The following UPB1 variants were observed in gnomAD, a reference collection of about 807,000 sequenced individuals.
UPB1 encodes the protein beta-ureidopropionase 1, also known as beta-ureidopropionase.
UPB1 carries 40 observed loss-of-function variants against 49.1 expected under a neutral mutation model. That is an observed-to-expected ratio of 0.81 (90% CI 0.63 to 1.06). The LOEUF (loss-of-function observed/expected upper bound fraction) is 1.06, where lower values mean the gene tolerates loss of function less well. Among genes scored for constraint, UPB1 ranks in the 50% least tolerant of loss-of-function variants. UPB1 has a pLI of 0.00. For missense variants in UPB1, 499 were observed against 505.9 expected, an observed-to-expected ratio of 0.99 and a Z score of 0.13; for synonymous variants, 207 against 198.2, an observed-to-expected ratio of 1.04 and a Z score of -0.38.
chr22:24,521,984 A>G lies in UPB1; in HGVS notation c.874-2A>G, dbSNP rs773014005. The G allele has an allele frequency of 1.9e-6, 3 of 1,613,980 alleles. No homozygotes were observed. Among genetic ancestry groups the G allele is most frequent in the South Asian group, 2.2e-5 (2 of 91,072 alleles). On this transcript the variant is annotated splice_acceptor_variant, in intron 7 of 9. Transcript: ENST00000326010. LOFTEE classifies it high-confidence loss of function. ...TCCTCTTACCTTGGTCTTATTTCACAGGAGCACTTCCCGAACGAGTTTACC... is the reference window on the plus strand; with the variant it reads ...TCCTCTTACCTTGGTCTTATTTCACGGGAGCACTTCCCGAACGAGTTTACC...
chr22:24,516,841 C>A (rs1407933143), intron 6 of UPB1: 6 of 152,318 alleles, frequency 3.9e-5, no homozygotes, highest in Non-Finnish European at 8.8e-5. Flanking sequence ...TCTCCTGCCT[C>A]AGCCTCCCAA....
chr22:24,495,817 T>C lies in UPB1; in HGVS notation c.104+310T>C, dbSNP rs574416892. 2.0e-5 allele frequency among the ~76,000 whole-genome samples: 3 copies of C among 152,300 alleles called. No homozygotes were observed. The East Asian group carries it at 5.8e-4, about 29-fold the overall frequency. On this transcript the variant is annotated intron_variant, in intron 1 of 9. Coordinates refer to ENST00000326010, the MANE Select transcript of UPB1 (RefSeq NM_016327.3). Reference sequence around the variant, plus strand: ...CAACCCTCCTCCCCGGAGCCGGGCTTGTCTTCTGGATGTCTGGCTGGATCA... The same window carrying C: ...CAACCCTCCTCCCCGGAGCCGGGCTCGTCTTCTGGATGTCTGGCTGGATCA...
At chr22:24,508,422 G>A (rs2147015565) in intron 3 of UPB1, among the ~76,000 whole-genome samples, 1 of 151,900 alleles carries the variant, frequency 6.6e-6, no homozygotes, top group African/African-American at 2.4e-5. Flanking sequence ...AGCTGGATGT[G>A]GTGGCGGGCA....
intron 7 of UPB1, 41 bp downstream of exon 7, chr22:24,520,509 G>C (rs761839623): frequency 6.2e-7 from 1 of 1,603,914 alleles, no homozygotes; most frequent in Non-Finnish European, 8.5e-7. Context: ...GCCACCACCT[G>C]GTGGCTCTGG....
At chr22:24,519,884 G>A (rs1044603992) in intron 6 of UPB1, 5 of 240,246 alleles carry the variant, frequency 2.1e-5, no homozygotes, top group South Asian at 5.1e-5. Flanking sequence ...CCAGGCCCCC[G>A]GCTCCCTTCT....
At chr22:24,522,570 C>G (rs2044413722) in intron 8 of UPB1, among the ~76,000 whole-genome samples, 1 of 152,004 alleles carries the variant, frequency 6.6e-6, no homozygotes, top group Non-Finnish European at 1.5e-5. Flanking sequence ...GCCCCCCTCA[C>G]CAAGGAGGTA....
chr22:24,500,346 AGGCCCTGGCT>A lies in UPB1; in HGVS notation c.276+73_276+82del, dbSNP rs1242818049. On this transcript the variant is annotated intron_variant, in intron 2 of 9. Transcript: ENST00000326010. ...TGGCCTGCCCTTGGAGCACACCTGC[AGGCCCTGGCT>A]GGCCGCATACTCCGGGTCTGCAGGC... 5 of 1,604,072 alleles carry A rather than the reference AGGCCCTGGCT, an allele frequency of 3.1e-6. No homozygotes were observed. In the Admixed American group the frequency reaches 8.4e-5, roughly 27 times the overall value.
chr22:24,523,681 A>C lies in UPB1; in HGVS notation c.979A>C (p.Thr327Pro), dbSNP rs1482825693. ...SYVAAPDSSRTPGLSRSRDGL... is the reference protein window; with the variant it reads ...SYVAAPDSSRPPGLSRSRDGL... ...TGTGGCAGCCCCTGACAGCAGCCGGACTCCTGGGCTGTCCCGTAGCCGGGA... is the reference window on the plus strand; with the variant it reads ...TGTGGCAGCCCCTGACAGCAGCCGGCCTCCTGGGCTGTCCCGTAGCCGGGA... The change falls in exon 9 of 10, where the codon ACT (threonine) becomes CCT (proline). Residue 327 changes from threonine (T) to proline (P), a missense_variant. Physicochemically the swap from Thr to Pro is conservative, Grantham distance 38. Coordinates refer to ENST00000326010, the MANE Select transcript of UPB1 (RefSeq NM_016327.3). The C allele has an allele frequency of 6.2e-7, 1 of 1,614,102 alleles. No individual in the cohort carries two copies. Among genetic ancestry groups the C allele is most frequent in the Admixed American group, 1.7e-5 (1 of 60,016 alleles).
At chr22:24,508,573 AAAG>A (rs952284433) in intron 3 of UPB1, among the ~76,000 whole-genome samples, 3 of 140,700 alleles carry the variant, frequency 2.1e-5, no homozygotes, top group Non-Finnish European at 1.6e-5. Context: ...AAAGAAAAAA[AAAG>A]AAAGAAAGAA....
At position 24,495,441 on chromosome 22, in the gene UPB1, T is replaced by C. The variant is rs200688546; in HGVS notation, c.38T>C (p.Leu13Ser). 19 of 1,613,492 alleles carry C rather than the reference T, an allele frequency of 1.2e-5. No individual in the cohort carries two copies. The African/African-American group carries it at 2.0e-4, about 17-fold the overall frequency. ...GAGTGGAAGTCGCTGGAGGAATGCTTGGAGAAGCACCTGCCGCTCCCCGAC... is the reference window on the plus strand; with the variant it reads ...GAGTGGAAGTCGCTGGAGGAATGCTCGGAGAAGCACCTGCCGCTCCCCGAC... ...GAEWKSLEEC[L>S]EKHLPLPDLQ... The change falls in exon 1 of 10, where the codon TTG becomes TCG. Residue 13 changes from leucine (L) to serine (S), a missense_variant. Transcript: ENST00000326010.
chr22:24,515,843 G>T (rs964649968), intron 6 of UPB1, among the ~76,000 whole-genome samples: 1 of 152,218 alleles, frequency 6.6e-6, no homozygotes, highest in Non-Finnish European at 1.5e-5. Context: ...AGGCGTGGTG[G>T]TGTGTGCCTG....
At position 24,526,705 on chromosome 22, in the gene UPB1, T is replaced by C. The variant is rs1241182933; in HGVS notation, c.*911T>C. ...TTGGTTCTGGATTTTTTTAGAATTCTTCCCTAGTTTGATTGAACTTAAAGG... is the reference window on the plus strand; with the variant it reads ...TTGGTTCTGGATTTTTTTAGAATTCCTCCCTAGTTTGATTGAACTTAAAGG... On this transcript the variant is annotated 3_prime_UTR_variant, in exon 10 of 10. Coordinates refer to ENST00000326010, the MANE Select transcript of UPB1 (RefSeq NM_016327.3). 6.6e-6 allele frequency: 1 copy of C among 152,240 alleles called. No individual in the cohort carries two copies. 9.4% of individuals were successfully genotyped at this position (152,240 alleles called of 1,614,324 possible). A position where few individuals can be genotyped will look rare whatever the true frequency, so the allele number is the denominator to read the frequency against.
intron 6 of UPB1, 34 bp downstream of exon 6, chr22:24,515,404 G>A (rs748687705): frequency 2.5e-6 from 4 of 1,613,880 alleles, no homozygotes; most frequent in Non-Finnish European, 3.4e-6. Flanking sequence ...GGGGCTTCCT[G>A]GGGCCCAGCC....
intron 1 of UPB1, among the ~76,000 whole-genome samples, chr22:24,498,875 T>G (rs550929164): frequency 6.6e-6 from 1 of 152,300 alleles, no homozygotes; most frequent in South Asian, 2.1e-4. Flanking sequence ...GCCTTGCTCC[T>G]TTTTCTCCTG....
Position 24,520,448 on chromosome 22 carries a change from G to A in UPB1, c.853G>A (p.Ala285Thr), listed in dbSNP as rs1375840064. 9.9e-6 allele frequency: 16 copies of A among 1,613,960 alleles called. No homozygotes were observed. The highest frequency in any genetic ancestry group is 6.7e-5 in the East Asian group (3 of 44,896). Residue 285 changes from alanine (A) to threonine (T), a missense_variant, in exon 7 of 10, where the codon GCC becomes ACC. Physicochemically the swap from Ala to Thr is moderately conservative, Grantham distance 58. Transcript: ENST00000326010. The part of the protein sequence containing the change: ...AAIANHCFTC[A>T]INRVGTEHFP... ...CATTGCCAATCACTGCTTCACCTGCGCCATCAATCGAGTGGGCACCGTAAG... is the reference window on the plus strand; with the variant it reads ...CATTGCCAATCACTGCTTCACCTGCACCATCAATCGAGTGGGCACCGTAAG...
intron 4 of UPB1, among the ~76,000 whole-genome samples, chr22:24,512,835 G>T (rs1165272718): frequency 1.3e-5 from 2 of 152,152 alleles, no homozygotes; most frequent in African/African-American, 2.4e-5. Flanking sequence ...GTATCATCAA[G>T]GTTCATCCAT....
At position 24,513,474 on chromosome 22, in the gene UPB1, G is replaced by A. The variant is rs751174204; in HGVS notation, c.610G>A (p.Asp204Asn). 1 of 1,614,026 alleles carries A rather than the reference G, an allele frequency of 6.2e-7. No homozygotes were observed. The highest frequency in any genetic ancestry group is 1.1e-5 in the South Asian group (1 of 91,052). ...TRKNHIPRVG[D>N]FNESTYYMEG... ...GAAAAACCACATCCCCAGAGTGGGT[G>A]ATTTCAACGAGGTGAGCCACCCATA... The change falls in exon 5 of 10, where the codon GAT (aspartate) becomes AAT (asparagine). Residue 204 changes from aspartate (D) to asparagine (N), a missense_variant. Asp to Asn is a conservative substitution (Grantham distance 23). Transcript: ENST00000326010.
intron 6 of UPB1, 84 bp from the exon 7 acceptor site, chr22:24,520,303 C>T (rs892210733): frequency 2.6e-5 from 38 of 1,484,928 alleles, no homozygotes; most frequent in Non-Finnish European, 3.2e-5. Flanking sequence ...GGAAAGCCTG[C>T]AGCCAGGCCA....
At chr22:24,512,133 G>A (rs566876999) in intron 4 of UPB1, among the ~76,000 whole-genome samples, 2 of 145,932 alleles carry the variant, frequency 1.4e-5, no homozygotes, top group Non-Finnish European at 3.0e-5. Context: ...TCAGGCTGTA[G>A]GGGAAAAAAA....
Sources: gnomAD v4.1 joint callset for allele counts (sites outside exome capture counted in the v4.1 genomes callset) on GRCh38, gnomAD v4.1.1 for gene constraint, MANE v1.5 for transcripts, NCBI Gene and HGNC (gene_info 2026-07-23, HGNC 2026-07-21) for gene names.